The following CNTN5 variants were observed in gnomAD, a reference collection of about 807,000 sequenced individuals.
CNTN5 encodes contactin-5.
In CNTN5, 77 loss-of-function variants were observed where a neutral mutation model predicts 129.1. The observed-to-expected ratio is 0.60, with a 90% confidence interval of 0.50 to 0.72. The LOEUF is 0.72. Ranked by LOEUF, CNTN5 falls within the 30% of genes least tolerant of loss-of-function variation. The probability of loss-of-function intolerance (pLI) is 0.00; values close to 1 mark genes in which losing one functional copy is unlikely to be tolerated. For synonymous variants in CNTN5, 509 were observed against 465.6 expected, an observed-to-expected ratio of 1.09 and a Z score of -1.20; for missense variants, 1,478 against 1,328.8, an observed-to-expected ratio of 1.11 and a Z score of -1.75.
chr11:100,047,416 C>T (rs1942739435), intron 9 of CNTN5, among the ~76,000 whole-genome samples: 1 of 151,932 alleles, frequency 6.6e-6, no homozygotes, highest in African/African-American at 2.4e-5. Context: ...AGCTGCATGC[C>T]AGAAAAAAAT....
intron 3 of CNTN5, among the ~76,000 whole-genome samples, chr11:99,702,432 A>G (rs1249157361): frequency 6.6e-6 from 1 of 151,026 alleles, no homozygotes; most frequent in Non-Finnish European, 1.5e-5. Context: ...AAAATGTTGT[A>G]AAGTACTTCA....
intron 6 of CNTN5, among the ~76,000 whole-genome samples, chr11:99,847,311 A>G (rs554300574): frequency 5.3e-5 from 8 of 152,362 alleles, no homozygotes; most frequent in Admixed American, 4.6e-4. Flanking sequence ...ACTCATCTGA[A>G]GTGATGACTT....
At chr11:100,237,484 C>T (rs533325611) in intron 16 of CNTN5, among the ~76,000 whole-genome samples, 2 of 152,236 alleles carry the variant, frequency 1.3e-5, no homozygotes, top group Admixed American at 1.3e-4. Context: ...GAAGGACTAG[C>T]GTTAATTGGA....
intron 6 of CNTN5, among the ~76,000 whole-genome samples, chr11:99,877,875 C>A (rs1487400632): frequency 6.6e-6 from 1 of 152,158 alleles, no homozygotes; most frequent in South Asian, 2.1e-4. Context: ...TTTCACCATT[C>A]ACTATCAAAA....
intron 1 of CNTN5, among the ~76,000 whole-genome samples, chr11:99,114,505 C>G (rs1857949836): frequency 7.2e-6 from 1 of 139,246 alleles, no homozygotes; most frequent in Admixed American, 8.0e-5. Context: ...TTTTTTCTTT[C>G]CTTCCTTCCT....
intron 3 of CNTN5, among the ~76,000 whole-genome samples, chr11:99,814,975 G>C (rs1565561774): frequency 6.6e-6 from 1 of 151,994 alleles, no homozygotes; most frequent in Non-Finnish European, 1.5e-5. Flanking sequence ...GGTGGATCTT[G>C]ACAAACACTT....
At chr11:99,968,730 A>G (rs1350006923) in intron 8 of CNTN5, among the ~76,000 whole-genome samples, 2 of 118,786 alleles carry the variant, frequency 1.7e-5, no homozygotes, top group Admixed American at 1.3e-4. Flanking sequence ...TGAATATTCT[A>G]TCCTAAATCC....
intron 13 of CNTN5, among the ~76,000 whole-genome samples, chr11:100,084,121 C>A (rs907353497): frequency 3.3e-5 from 5 of 152,118 alleles, no homozygotes; most frequent in Non-Finnish European, 7.4e-5. Flanking sequence ...AACCATGGTT[C>A]ATTTACCCCA....
At chr11:99,557,791 T>C (rs1227888758) in intron 3 of CNTN5, among the ~76,000 whole-genome samples, 3 of 151,742 alleles carry the variant, frequency 2.0e-5, no homozygotes, top group Non-Finnish European at 3.0e-5. Flanking sequence ...AAAGAATTTC[T>C]TTATATACAG....
At chr11:99,880,161 T>A (rs1948734880) in intron 6 of CNTN5, among the ~76,000 whole-genome samples, 1 of 152,188 alleles carries the variant, frequency 6.6e-6, no homozygotes, top group African/African-American at 2.4e-5. Context: ...TTGCATATGA[T>A]CAATGAGGCA....
At chr11:99,478,090 A>T (rs1945450163) in intron 2 of CNTN5, among the ~76,000 whole-genome samples, 1 of 152,038 alleles carries the variant, frequency 6.6e-6, no homozygotes, top group Non-Finnish European at 1.5e-5. Flanking sequence ...GTGCTGTAAC[A>T]CATTTTCACA....
intron 1 of CNTN5, among the ~76,000 whole-genome samples, chr11:99,070,158 A>G (rs1429208258): frequency 6.6e-6 from 1 of 151,994 alleles, no homozygotes; most frequent in East Asian, 1.9e-4. Context: ...CCCCTCCCTA[A>G]TAACTTCAAA....
chr11:100,276,889 A>G (rs955978513), intron 18 of CNTN5, among the ~76,000 whole-genome samples: 1 of 152,020 alleles, frequency 6.6e-6, no homozygotes, highest in Non-Finnish European at 1.5e-5. Context: ...CTGTTATGCT[A>G]GCAAATACTA....
At chr11:99,438,739 G>A (rs1943698402) in intron 2 of CNTN5, among the ~76,000 whole-genome samples, 1 of 152,090 alleles carries the variant, frequency 6.6e-6, no homozygotes, top group African/African-American at 2.4e-5. Flanking sequence ...TAACTATTCA[G>A]TAATGTTTGT....
At chr11:99,866,085 C>T (rs1253408470) in intron 6 of CNTN5, among the ~76,000 whole-genome samples, 1 of 152,120 alleles carries the variant, frequency 6.6e-6, no homozygotes, top group East Asian at 1.9e-4. Flanking sequence ...AGTTTTCTAG[C>T]TTCTGAAATG....
chr11:99,024,889 T>C (rs7950289), intron 1 of CNTN5, among the ~76,000 whole-genome samples: 44,895 of 151,780 alleles, frequency 0.3, 8,327 homozygotes, highest in East Asian at 0.56. Context: ...ATTCATTTCC[T>C]GTGTATTTCT....
intron 21 of CNTN5, among the ~76,000 whole-genome samples, chr11:100,338,255 A>G (rs1017076732): frequency 2.0e-5 from 3 of 152,166 alleles, no homozygotes; most frequent in Non-Finnish European, 4.4e-5. Flanking sequence ...ATGTCGTGGT[A>G]GTTAAAATGT....
chr11:100,238,528 GGTA>G (rs1338744741), intron 16 of CNTN5, among the ~76,000 whole-genome samples: 97 of 143,370 alleles, frequency 6.8e-4, no homozygotes, highest in Middle Eastern at 3.6e-3. Flanking sequence ...AGGAGGAGGG[GGTA>G]GAAGAGGAGG....
intron 8 of CNTN5, among the ~76,000 whole-genome samples, chr11:99,970,286 A>G (rs1265204079): frequency 6.6e-6 from 1 of 152,230 alleles, no homozygotes; most frequent in African/African-American, 2.4e-5. Flanking sequence ...TCTAGATTGT[A>G]GCAAAGAAGT....
Sources: allele counts gnomAD v4.1 joint callset (sites outside exome capture counted in the v4.1 genomes callset), GRCh38; gene constraint gnomAD v4.1.1; transcripts MANE v1.5; gene names NCBI Gene and HGNC (gene_info 2026-07-23, HGNC 2026-07-21).